EPB41L4B: variants seen among roughly 807,000 people sequenced by gnomAD.
EPB41L4B encodes band 4.1-like protein 4B.
Under a neutral mutation model 112.5 loss-of-function variants are expected in EPB41L4B, and 30 were observed. That is an observed-to-expected ratio of 0.27 (90% CI 0.20 to 0.36). EPB41L4B has a LOEUF of 0.36. EPB41L4B is among the 10% of genes least tolerant of loss of function. EPB41L4B has a pLI of 1.00. For synonymous variants in EPB41L4B, 408 were observed against 439.7 expected (o/e 0.93, Z 0.90); for missense variants, 1,024 against 1,133.3 (o/e 0.90, Z 1.38).
At chr9:109,199,677 A>G (rs1451162821) in intron 20 of EPB41L4B, among the ~76,000 whole-genome samples, 1 of 152,148 alleles carries the variant, frequency 6.6e-6, no homozygotes, top group African/African-American at 2.4e-5. Context: ...AAAAAGAAAA[A>G]AAGTGATGGG....
chr9:109,231,369 CAAA>C (rs1184450682), intron 15 of EPB41L4B, among the ~76,000 whole-genome samples: 1 of 152,102 alleles, frequency 6.6e-6, no homozygotes, highest in African/African-American at 2.4e-5. Context: ...TACCTGGAGC[CAAA>C]GATGGCATCT....
intron 2 of EPB41L4B, among the ~76,000 whole-genome samples, chr9:109,272,548 T>C (rs1010266686): frequency 1.1e-4 from 17 of 150,956 alleles, no homozygotes; most frequent in African/African-American, 4.2e-4. Context: ...AGGTGAGGAG[T>C]TCAAGGCCAG....
At chr9:109,225,048 A>G (rs895979540) in intron 15 of EPB41L4B, among the ~76,000 whole-genome samples, 1 of 152,186 alleles carries the variant, frequency 6.6e-6, no homozygotes, top group African/African-American at 2.4e-5. Flanking sequence ...TCCTCCTCAG[A>G]ACCCCCTGGC....
intron 23 of EPB41L4B, among the ~76,000 whole-genome samples, chr9:109,183,481 C>T (rs148459740): frequency 3.3e-5 from 5 of 152,226 alleles, no homozygotes; most frequent in African/African-American, 4.8e-5. Context: ...AAAGGCCAGA[C>T]GAACAGCTGA....
Position 109,280,695 on chromosome 9 carries a change from G to C in EPB41L4B, c.307-774C>G, listed in dbSNP as rs112692533. On this transcript the variant is annotated intron_variant, in intron 1 of 25. Transcript: ENST00000374566. ...ACTGAAGTCTCTGACAAATGAAAAG[G>C]CTTCTTAATAGTCACCCAAGCGGAG... 9.6e-3 allele frequency among the ~76,000 whole-genome samples: 1,458 copies of C among 152,164 alleles called. 23 individuals carry two copies. Among genetic ancestry groups the C allele is most frequent in the African/African-American group, 0.033 (1,389 of 41,516 alleles).
rs1211155626 is a variant in EPB41L4B, at chr9:109,233,606, C to G, written c.1409+10012G>C. On this transcript the variant is annotated intron_variant, in intron 15 of 25. Transcript: ENST00000374566. ...AGTGCAGTGGTGTGATTTTGGCTCACTGCAGCCTCCGCCTCCCGGGTTCAA... is the reference window on the plus strand; with the variant it reads ...AGTGCAGTGGTGTGATTTTGGCTCAGTGCAGCCTCCGCCTCCCGGGTTCAA... Among the ~76,000 whole-genome samples the G allele has an allele frequency of 2.7e-5, 4 of 150,550 alleles. No individual in the cohort carries two copies. The South Asian group carries it at 8.4e-4, about 32-fold the overall frequency.
intron 14 of EPB41L4B, among the ~76,000 whole-genome samples, chr9:109,245,433 A>G (rs1024773652): frequency 3.3e-5 from 5 of 152,222 alleles, no homozygotes; most frequent in Admixed American, 2.6e-4. Flanking sequence ...TCAACTGTCA[A>G]GGAGTATTTT....
intron 14 of EPB41L4B, 66 bp downstream of exon 14, chr9:109,247,690 C>G: frequency 8.5e-7 from 1 of 1,182,150 alleles, no homozygotes; most frequent in Non-Finnish European, 1.1e-6. Flanking sequence ...TTACAAAAAC[C>G]TTTTTTTAAA....
rs1313987442 is a variant in EPB41L4B at position 109,320,885 on chromosome 9, C to A, written c.-439G>T. On this transcript the variant is annotated 5_prime_UTR_variant, in exon 1 of 26. Coordinates refer to ENST00000374566, the MANE Select transcript of EPB41L4B (RefSeq NM_019114.5). ...GAGCAGGGCGCCTGCGTGGTCCTGGCGCGCTCGCTCCCACTCGCCGCGCCG... is the reference window on the plus strand; with the variant it reads ...GAGCAGGGCGCCTGCGTGGTCCTGGAGCGCTCGCTCCCACTCGCCGCGCCG... 2 of 149,766 alleles carry A rather than the reference C, an allele frequency of 1.3e-5. No homozygotes were observed. The highest frequency in any genetic ancestry group is 1.8e-4 in the South Asian group (1 of 5,666). 9.3% of individuals were successfully genotyped at this position (149,766 alleles called of 1,614,324 possible). A position where few individuals can be genotyped will look rare whatever the true frequency, so the allele number is the denominator to read the frequency against.
At chr9:109,188,380 C>T (rs35082841) in intron 22 of EPB41L4B, among the ~76,000 whole-genome samples, 8,853 of 152,044 alleles carry the variant, frequency 0.058, 399 homozygotes, top group Admixed American at 0.13. Flanking sequence ...GATGGCAGGC[C>T]CCAGGACAGG....
intron 1 of EPB41L4B, among the ~76,000 whole-genome samples, chr9:109,298,331 C>T (rs62576400): frequency 7.3e-6 from 1 of 137,682 alleles, no homozygotes; most frequent in Admixed American, 8.0e-5. Context: ...TTTTTTTCCC[C>T]AAGACAAGGT....
rs919107308 is a variant in EPB41L4B, at chr9:109,320,915, C to T, written c.-469G>A. On this transcript the variant is annotated 5_prime_UTR_variant, in exon 1 of 26. Coordinates refer to ENST00000374566, the MANE Select transcript of EPB41L4B (RefSeq NM_019114.5). ...TCGCTCCCACTCGCCGCGCCGCGCC[C>T]GGGGCCCGAGGAGGCCCCGCCGAGC... 8 of 153,426 alleles carry T rather than the reference C, an allele frequency of 5.2e-5. No individual in the cohort carries two copies. Among genetic ancestry groups the T allele is most frequent in the African/African-American group, 1.7e-4 (7 of 41,004 alleles). The allele number at this position is 153,426 out of a possible 1,614,324, so 9.5% of individuals were successfully genotyped here.
intron 22 of EPB41L4B, among the ~76,000 whole-genome samples, chr9:109,190,516 C>T (rs2118674147): frequency 6.6e-6 from 1 of 152,344 alleles, no homozygotes; most frequent in South Asian, 2.1e-4. Flanking sequence ...TCCTCATGCT[C>T]CACTCAGCAA....
At position 109,294,613 on chromosome 9, in the gene EPB41L4B, C is replaced by T. The variant is rs554394077; in HGVS notation, c.307-14692G>A. 7.2e-5 allele frequency among the ~76,000 whole-genome samples: 11 copies of T among 152,016 alleles called. 1 individual carries two copies. Among genetic ancestry groups the T allele is most frequent in the African/African-American group, 2.7e-4 (11 of 41,442 alleles). On this transcript the variant is annotated intron_variant, in intron 1 of 25. Transcript: ENST00000374566. ...CATTCCAGCCTGGGCAACAGAGACC[C>T]CGTACCCCCTCAAAAAAAATAATAA...
At chr9:109,319,765 G>T (rs1277946519) in intron 1 of EPB41L4B, among the ~76,000 whole-genome samples, 1 of 152,120 alleles carries the variant, frequency 6.6e-6, no homozygotes, top group African/African-American at 2.4e-5. Context: ...CCAGTATCAG[G>T]AAGACCCCTG....
intron 17 of EPB41L4B, among the ~76,000 whole-genome samples, chr9:109,210,029 A>ACAGAT (rs1295352976): frequency 1.3e-5 from 2 of 152,184 alleles, no homozygotes; most frequent in African/African-American, 2.4e-5. Context: ...AAGTGAGAAA[A>ACAGAT]ACAGATATAA....
In EPB41L4B at chr9:109,193,928, T is replaced by C. The variant is rs80275197; in HGVS notation, c.2223+292A>G. ...TCTTTCTATCTTTACAGTGGACTAATAGCTTATTATAGAGATGAGATTCTA... is the reference window on the plus strand; with the variant it reads ...TCTTTCTATCTTTACAGTGGACTAACAGCTTATTATAGAGATGAGATTCTA... On this transcript the variant is annotated intron_variant, in intron 21 of 25. Coordinates refer to ENST00000374566, the MANE Select transcript of EPB41L4B (RefSeq NM_019114.5). Among the ~76,000 whole-genome samples the C allele has an allele frequency of 9.0e-3, 1,370 of 152,314 alleles. 25 individuals carry two copies. Among genetic ancestry groups the C allele is most frequent in the African/African-American group, 0.031 (1,299 of 41,572 alleles).
chr9:109,294,636 T>C (rs1203713635), intron 1 of EPB41L4B, among the ~76,000 whole-genome samples: 2 of 151,066 alleles, frequency 1.3e-5, no homozygotes, highest in Admixed American at 1.3e-4. Context: ...AAAAAAATAA[T>C]AATTGTTCGT....
intron 4 of EPB41L4B, among the ~76,000 whole-genome samples, chr9:109,266,182 G>A (rs1835394001): frequency 6.6e-6 from 1 of 152,114 alleles, no homozygotes; most frequent in Non-Finnish European, 1.5e-5. Flanking sequence ...CAGGAGCCTG[G>A]GTAACAGGGC....
Sources: gnomAD v4.1 joint callset for allele counts (sites outside exome capture counted in the v4.1 genomes callset) on GRCh38, gnomAD v4.1.1 for gene constraint, MANE v1.5 for transcripts, NCBI Gene and HGNC (gene_info 2026-07-23, HGNC 2026-07-21) for gene names.